BLTP1: variants seen among roughly 807,000 people sequenced by gnomAD.
BLTP1 encodes fragile site-associated protein.
chr4:122,343,138 T>C, the BLTP1 span, among the ~76,000 whole-genome samples: 4 of 152,172 alleles, frequency 2.6e-5, no homozygotes, highest in Non-Finnish European at 4.4e-5. Flanking sequence ...AGAAAAGAAA[T>C]AGGAAACCAT....
chr4:122,324,614 C>A, the BLTP1 span: 4 of 1,133,240 alleles, frequency 3.5e-6, no homozygotes, highest in East Asian at 2.7e-5. Flanking sequence ...TTTTTATGTT[C>A]TAATTATAAA....
chr4:122,181,150 T>G, the BLTP1 span: 1 of 278,164 alleles, frequency 3.6e-6, no homozygotes, highest in Non-Finnish European at 5.4e-6. Flanking sequence ...TAATTGGTCT[T>G]TAGCTGACAA....
chr4:122,195,430 C>CT, the BLTP1 span, among the ~76,000 whole-genome samples: 7 of 138,558 alleles, frequency 5.1e-5, no homozygotes, highest in African/African-American at 1.7e-4. Flanking sequence ...CATTGTCTGG[C>CT]ATTTTTTTTT....
the BLTP1 span, among the ~76,000 whole-genome samples, chr4:122,160,805 A>C: frequency 6.6e-6 from 1 of 152,310 alleles, no homozygotes; most frequent in East Asian, 1.9e-4. Flanking sequence ...TTACTGAGAT[A>C]TTTGGATCAA....
the BLTP1 span, chr4:122,334,455 G>A: frequency 1.3e-5 from 21 of 1,612,814 alleles, no homozygotes; most frequent in African/African-American, 2.8e-4. Context: ...GAAAGATAGT[G>A]CAACATCTCC....
the BLTP1 span, chr4:122,353,244 T>G: frequency 6.5e-7 from 1 of 1,531,662 alleles, no homozygotes; most frequent in Non-Finnish European, 8.7e-7. The surrounding 1 kb of genome is among the most constrained non-coding windows in gnomAD (Gnocchi z 4.3). Flanking sequence ...CATCTCTGTT[T>G]GTTATCATGT....
At chr4:122,224,560 G>A in the BLTP1 span, 1 of 1,614,014 alleles carries the variant, frequency 6.2e-7, no homozygotes, top group Admixed American at 1.7e-5. Context: ...GTCTCCAGCT[G>A]AGAGCACACG....
the BLTP1 span, among the ~76,000 whole-genome samples, chr4:122,163,490 A>C: frequency 6.6e-6 from 1 of 152,220 alleles, no homozygotes; most frequent in African/African-American, 2.4e-5. Context: ...GCAGGGTATC[A>C]CAGGTGTTCA....
At chr4:122,220,321 A>G in the BLTP1 span, 1 of 1,611,312 alleles carries the variant, frequency 6.2e-7, no homozygotes, top group Non-Finnish European at 8.5e-7. Context: ...GTGCTATTTC[A>G]TTTGACTGTA....
At chr4:122,210,943 G>A in the BLTP1 span, 1 of 1,613,310 alleles carries the variant, frequency 6.2e-7, no homozygotes, top group Non-Finnish European at 8.5e-7. Context: ...GAAGACATCA[G>A]ACAGAGTTGT....
chr4:122,306,448 TG>T, the BLTP1 span: 2 of 463,558 alleles, frequency 4.3e-6, no homozygotes, highest in African/African-American at 4.2e-5. Flanking sequence ...GTCAGTCCAG[TG>T]GAAAAGAAAA....
chr4:122,238,429 T>G, the BLTP1 span: 1 of 1,177,710 alleles, frequency 8.5e-7, no homozygotes, highest in East Asian at 2.4e-5. Context: ...AAAAACTTCT[T>G]CCCTCTCCAC....
chr4:122,269,047 C>T, the BLTP1 span: 2 of 882,948 alleles, frequency 2.3e-6, no homozygotes, highest in Non-Finnish European at 2.7e-6. Context: ...AATATTGGAA[C>T]CATCAAATCC....
the BLTP1 span, chr4:122,246,475 A>T: frequency 4.1e-5 from 24 of 578,490 alleles, no homozygotes; most frequent in Non-Finnish European, 5.0e-5. Context: ...ACTTAAGCAG[A>T]ATATTAGGTA....
the BLTP1 span, among the ~76,000 whole-genome samples, chr4:122,206,382 A>G: frequency 6.6e-6 from 1 of 151,934 alleles, no homozygotes; most frequent in Non-Finnish European, 1.5e-5. Context: ...AATGCAGAAG[A>G]AAGTTCAGTG....
chr4:122,313,876 T>TAA, the BLTP1 span: 3 of 169,228 alleles, frequency 1.8e-5, no homozygotes, highest in African/African-American at 7.3e-5. Flanking sequence ...TATATATATA[T>TAA]AAATATATAC....
the BLTP1 span, chr4:122,340,720 C>T: frequency 2.0e-6 from 2 of 985,008 alleles, no homozygotes; most frequent in African/African-American, 3.5e-5. Context: ...TAGTACTTAG[C>T]TTCAAAATAT....
At chr4:122,167,815 T>A in the BLTP1 span, 2 of 985,300 alleles carry the variant, frequency 2.0e-6, no homozygotes, top group East Asian at 2.3e-4. Flanking sequence ...TGCTTTACTC[T>A]GCTTCACCTT....
At chr4:122,234,619 AAC>A in the BLTP1 span, 5 of 444,892 alleles carry the variant, frequency 1.1e-5, no homozygotes, top group Admixed American at 1.3e-4. Flanking sequence ...GATTTAAAAA[AAC>A]ACAGTGGGAA....
Sources: allele counts gnomAD v4.1 joint callset (sites outside exome capture counted in the v4.1 genomes callset), GRCh38; gene constraint gnomAD v4.1.1; non-coding constraint Gnocchi (gnomAD v3.1); transcripts MANE v1.5; gene names NCBI Gene and HGNC (gene_info 2026-07-23, HGNC 2026-07-21).